PCDHA7: variants seen among roughly 807,000 people sequenced by gnomAD.
The protein encoded by PCDHA7 is protocadherin alpha-7.
In PCDHA7, 37 loss-of-function variants were observed where a neutral mutation model predicts 57.2. That is an observed-to-expected ratio of 0.65 (90% CI 0.50 to 0.85). PCDHA7 has a LOEUF of 0.85. PCDHA7 is among the 40% of genes least tolerant of loss of function. The probability of loss-of-function intolerance (pLI) is 0.00; values close to 1 mark genes in which losing one functional copy is unlikely to be tolerated. For synonymous variants in PCDHA7, 553 were observed against 558.8 expected (o/e 0.99, Z 0.15); for missense variants, 1,188 against 1,241.8 (o/e 0.96, Z 0.65).
chr5:140,849,509 G>A, intron 1 of PCDHA7: 2 of 1,596,674 alleles, frequency 1.3e-6, no homozygotes, highest in Admixed American at 1.7e-5. Flanking sequence ...CACTTCTTGT[G>A]GAAGTTGTGG....
intron 3 of PCDHA7, among the ~76,000 whole-genome samples, chr5:140,997,376 C>T (rs1554255857): frequency 2.6e-5 from 4 of 152,144 alleles, no homozygotes. Flanking sequence ...GATGATATAG[C>T]ATACTACACA....
intron 1 of PCDHA7, chr5:140,861,473 T>A: frequency 2.0e-6 from 1 of 491,574 alleles, no homozygotes; most frequent in Non-Finnish European, 4.2e-6. Context: ...ATCTGCAGAA[T>A]GGCATTTTTG....
In PCDHA7 at chr5:140,835,774, T is replaced by C; in HGVS notation, c.1391T>C (p.Val464Ala). The change falls in exon 1 of 4, where the codon GTG becomes GCG. Residue 464 changes from valine (V) to alanine (A), a missense_variant. Val to Ala is a moderately conservative substitution (Grantham distance 64, BLOSUM62 0). Transcript: ENST00000525929. ...GCGCAGCCCGAGTATACGGTGTTCGTGAAGGAGAACAACCCGCCGGGCTGC... is the reference window on the plus strand; with the variant it reads ...GCGCAGCCCGAGTATACGGTGTTCGCGAAGGAGAACAACCCGCCGGGCTGC... The part of the protein sequence containing the change: ...AFAQPEYTVF[V>A]KENNPPGCHI... 1.9e-6 allele frequency: 3 copies of C among 1,613,040 alleles called. No homozygotes were observed. Among genetic ancestry groups the C allele is most frequent in the Non-Finnish European group, 2.5e-6 (3 of 1,179,690 alleles).
chr5:140,898,462 C>T (rs1398136688), intron 1 of PCDHA7, among the ~76,000 whole-genome samples: 7 of 150,224 alleles, frequency 4.7e-5, no homozygotes, highest in African/African-American at 1.5e-4. Flanking sequence ...TTCCCCATTG[C>T]TTGTTTTTCT....
intron 1 of PCDHA7, among the ~76,000 whole-genome samples, chr5:140,948,600 A>G (rs1369107358): frequency 6.6e-6 from 1 of 151,576 alleles, no homozygotes; most frequent in African/African-American, 2.4e-5. Flanking sequence ...TCAATTTATC[A>G]TATTTTTGGC....
rs2150252005 is a variant in PCDHA7, at chr5:140,836,072, G to A, written c.1689G>A (p.Pro563=). ...TGCTGGACGAGAACGACAACGCGCC[G>A]GCACTGCTGGCGCCTCGGGTGGGTG... ...VFVLDENDNA[P]ALLAPRVGGT... The change falls in exon 1 of 4, where the codon CCG becomes CCA. Residue 563 remains proline (P), a synonymous_variant. Coordinates refer to ENST00000525929, the MANE Select transcript of PCDHA7 (RefSeq NM_018910.3). The A allele has an allele frequency of 6.2e-7, 1 of 1,613,664 alleles. No individual in the cohort carries two copies. Among genetic ancestry groups the A allele is most frequent in the Non-Finnish European group, 8.5e-7 (1 of 1,179,770 alleles).
chr5:140,841,385 G>A, intron 1 of PCDHA7: 1 of 1,613,440 alleles, frequency 6.2e-7, no homozygotes, highest in Non-Finnish European at 8.5e-7. Flanking sequence ...TCTGCTCCTC[G>A]CAGCCTGGAA....
chr5:140,934,346 G>T (rs941608404), intron 1 of PCDHA7, among the ~76,000 whole-genome samples: 1 of 152,130 alleles, frequency 6.6e-6, no homozygotes, highest in South Asian at 2.1e-4. Flanking sequence ...CACCAGTACA[G>T]TGTGGAGCCA....
intron 1 of PCDHA7, chr5:140,967,979 G>A (rs1405177525): frequency 1.2e-6 from 2 of 1,614,100 alleles, no homozygotes; most frequent in African/African-American, 1.3e-5. Flanking sequence ...CCTGGGTCTG[G>A]AGGCCACACT....
chr5:140,987,011 C>T (rs1266225593), intron 3 of PCDHA7, among the ~76,000 whole-genome samples: 2 of 152,104 alleles, frequency 1.3e-5, no homozygotes, highest in African/African-American at 4.8e-5. Context: ...GTCATGAGTT[C>T]GAGACCAGCC....
At chr5:140,998,769 G>A (rs1210690974) in intron 3 of PCDHA7, among the ~76,000 whole-genome samples, 1 of 152,054 alleles carries the variant, frequency 6.6e-6, no homozygotes, top group Non-Finnish European at 1.5e-5. Flanking sequence ...TCACTATGTT[G>A]GTCAGGCTGG....
intron 1 of PCDHA7, among the ~76,000 whole-genome samples, chr5:140,973,225 G>A (rs1554235003): frequency 6.6e-6 from 1 of 152,180 alleles, no homozygotes; most frequent in African/African-American, 2.4e-5. Flanking sequence ...TCCAGGTATA[G>A]TGACCTGAAA....
intron 1 of PCDHA7, chr5:140,857,630 G>A (rs1554150395): frequency 6.3e-7 from 1 of 1,596,610 alleles, no homozygotes; most frequent in African/African-American, 1.3e-5. Flanking sequence ...CGAGGAGCTG[G>A]AGCTGCTACA....
intron 1 of PCDHA7, chr5:140,855,886 A>C: frequency 1.0e-6 from 1 of 980,916 alleles, no homozygotes; most frequent in Non-Finnish European, 1.5e-6. Context: ...GCTTTTTAGA[A>C]CAAAGGCATC....
At chr5:140,872,232 G>A (rs2053558420) in intron 1 of PCDHA7, among the ~76,000 whole-genome samples, 1 of 149,716 alleles carries the variant, frequency 6.7e-6, no homozygotes, top group South Asian at 2.1e-4. Flanking sequence ...CTTTACTTTT[G>A]TCTTTATTCC....
chr5:140,883,137 T>C (rs2153390787), intron 1 of PCDHA7: 1 of 1,614,036 alleles, frequency 6.2e-7, no homozygotes, highest in Admixed American at 1.7e-5. Flanking sequence ...CCTGCAGTGG[T>C]ATATGCATTT....
rs2150476991 is a variant in PCDHA7 at position 140,850,274 on chromosome 5, G to T, written c.2355+13536G>T. Reference sequence around the variant, plus strand: ...TGGGCGCCGGCGTAGTGGTGGGGAAGGTGCGCGCAGTGGACGCCGACTCGG... The same window carrying T: ...TGGGCGCCGGCGTAGTGGTGGGGAATGTGCGCGCAGTGGACGCCGACTCGG... On this transcript the variant is annotated intron_variant, in intron 1 of 3. Coordinates refer to ENST00000525929, the MANE Select transcript of PCDHA7 (RefSeq NM_018910.3). The T allele has an allele frequency of 3.8e-6, 6 of 1,595,442 alleles. 1 individual carries two copies. In the African/African-American group the frequency reaches 4.0e-5, roughly 11 times the overall value.
At chr5:140,964,866 C>A (rs2095858965) in intron 1 of PCDHA7, among the ~76,000 whole-genome samples, 1 of 152,132 alleles carries the variant, frequency 6.6e-6, no homozygotes, top group Non-Finnish European at 1.5e-5. Flanking sequence ...ACAAAGAGGA[C>A]AAATAAGAAG....
intron 1 of PCDHA7, among the ~76,000 whole-genome samples, chr5:140,962,118 C>T (rs561645739): frequency 1.3e-5 from 2 of 152,210 alleles, no homozygotes; most frequent in East Asian, 1.9e-4. Context: ...ATCTCCTAAC[C>T]TTGGCCTCGG....
Sources: gnomAD v4.1 joint callset for allele counts (sites outside exome capture counted in the v4.1 genomes callset) on GRCh38, gnomAD v4.1.1 for gene constraint, MANE v1.5 for transcripts, NCBI Gene and HGNC (gene_info 2026-07-23, HGNC 2026-07-21) for gene names.